Variants in DCHS2 observed in about 807,000 individuals in gnomAD.
DCHS2 encodes dachsous cadherin-related 2.
A neutral mutation model predicts 182.4 loss-of-function variants in DCHS2; 142 were observed. The observed-to-expected ratio is 0.78, with a 90% CI of 0.68 to 0.89. DCHS2 has a LOEUF of 0.89. DCHS2 is among the 40% of genes least tolerant of loss of function. The pLI is 0.00. For synonymous variants in DCHS2, 1,740 were observed against 1,663.3 expected (o/e 1.05, Z -1.12); for missense variants, 4,319 against 4,198.6 (o/e 1.03, Z -0.79).
At chr4:154,322,699 G>T in intron 7 of DCHS2, 2 of 568,432 alleles carry the variant, frequency 3.5e-6, no homozygotes, top group East Asian at 3.8e-5. Flanking sequence ...TGGACAAAAT[G>T]GTATAATAAA....
chr4:154,302,580 T>G (rs1441137872), intron 12 of DCHS2, among the ~76,000 whole-genome samples: 1 of 152,060 alleles, frequency 6.6e-6, no homozygotes, highest in Non-Finnish European at 1.5e-5. Context: ...GCATGGTGGC[T>G]TGGCAGGCAG....
At chr4:154,370,101 A>T (rs1730576061) in intron 2 of DCHS2, among the ~76,000 whole-genome samples, 1 of 152,096 alleles carries the variant, frequency 6.6e-6, no homozygotes, top group African/African-American at 2.4e-5. Flanking sequence ...TCCAGTCTAT[A>T]TTTCATGATT....
chr4:154,327,987 C>A, intron 7 of DCHS2, 106 bp downstream of exon 7: 1 of 662,768 alleles, frequency 1.5e-6, no homozygotes, highest in Non-Finnish European at 2.3e-6. Flanking sequence ...CTAACTACAG[C>A]ATTCAAAGTA....
intron 3 of DCHS2, among the ~76,000 whole-genome samples, chr4:154,337,985 C>T (rs1728895633): frequency 6.6e-6 from 1 of 152,064 alleles, no homozygotes; most frequent in African/African-American, 2.4e-5. Flanking sequence ...ATTTGCCTAC[C>T]TCGGCCTCCC....
intron 17 of DCHS2, among the ~76,000 whole-genome samples, chr4:154,241,755 A>G (rs1731836728): frequency 6.6e-6 from 1 of 152,184 alleles, no homozygotes; most frequent in Non-Finnish European, 1.5e-5. Flanking sequence ...GTGCTGAAAA[A>G]TAGATCCTTC....
At chr4:154,442,536 C>G (rs543274408) in intron 1 of DCHS2, among the ~76,000 whole-genome samples, 1 of 80,458 alleles carries the variant, frequency 1.2e-5, no homozygotes, top group Non-Finnish European at 3.0e-5. Context: ...GACACCCCCC[C>G]CCCCCCACAC....
intron 14 of DCHS2, among the ~76,000 whole-genome samples, chr4:154,265,844 T>C (rs535038122): frequency 1.3e-5 from 2 of 152,190 alleles, no homozygotes; most frequent in Non-Finnish European, 2.9e-5. Context: ...AGTACAGTAG[T>C]TCCCCCTTCC....
At chr4:154,279,727 G>A (rs1008199812) in intron 13 of DCHS2, among the ~76,000 whole-genome samples, 2 of 151,952 alleles carry the variant, frequency 1.3e-5, no homozygotes, top group Admixed American at 6.6e-5. Flanking sequence ...TGCAATGATA[G>A]TAATACTAAG....
chr4:154,420,050 G>A (rs1733038731), intron 1 of DCHS2, among the ~76,000 whole-genome samples: 1 of 152,094 alleles, frequency 6.6e-6, no homozygotes, highest in Non-Finnish European at 1.5e-5. Flanking sequence ...AGATAAGTTA[G>A]GAGATTGTTA....
At position 154,304,745 on chromosome 4, in the gene DCHS2, T is replaced by G; in HGVS notation, c.5529A>C (p.Glu1843Asp). ...CTAAAACCGTATAGACAACCTCTGGTTCCTGGTTTTCCAGAACCTCAATGT... is the reference window on the plus strand; with the variant it reads ...CTAAAACCGTATAGACAACCTCTGGGTCCTGGTTTTCCAGAACCTCAATGT... Reference protein sequence around the residue: ...SYDIEVLENQEPEVVYTVLAS... With the variant: ...SYDIEVLENQDPEVVYTVLAS... The change falls in exon 12 of 20, where the codon GAA becomes GAC. Residue 1843 changes from glutamate to aspartate, a missense_variant. By Grantham distance (45) the Glu-to-Asp change is conservative. Transcript: ENST00000357232. 6.2e-7 allele frequency: 1 copy of G among 1,614,050 alleles called. No homozygotes were observed. Among genetic ancestry groups the G allele is most frequent in the Non-Finnish European group, 8.5e-7 (1 of 1,179,962 alleles).
At chr4:154,271,444 GC>G (rs1226978941) in intron 13 of DCHS2, among the ~76,000 whole-genome samples, 1 of 152,202 alleles carries the variant, frequency 6.6e-6, no homozygotes, top group Non-Finnish European at 1.5e-5. Context: ...AAGTGGATGA[GC>G]AGATCCTCGC....
At chr4:154,379,664 CTTA>C (rs1374268172) in intron 1 of DCHS2, among the ~76,000 whole-genome samples, 1 of 152,118 alleles carries the variant, frequency 6.6e-6, no homozygotes, top group Non-Finnish European at 1.5e-5. Context: ...TATTTGTGCT[CTTA>C]TTATACTCAT....
intron 16 of DCHS2, among the ~76,000 whole-genome samples, chr4:154,254,957 T>C (rs1320542649): frequency 2.0e-5 from 3 of 152,210 alleles, no homozygotes; most frequent in Admixed American, 6.5e-5. Context: ...TTAAACACTA[T>C]TATTATTTCC....
chr4:154,437,327 C>T (rs1189504954), intron 1 of DCHS2, among the ~76,000 whole-genome samples: 1 of 152,164 alleles, frequency 6.6e-6, no homozygotes, highest in Non-Finnish European at 1.5e-5. Context: ...CATCTCACTC[C>T]TACCACTAAC....
At chr4:154,478,272 T>G (rs891937294) in intron 1 of DCHS2, among the ~76,000 whole-genome samples, 1 of 152,170 alleles carries the variant, frequency 6.6e-6, no homozygotes, top group African/African-American at 2.4e-5. Context: ...GTAATAGAAA[T>G]TGAAATGCAA....
intron 1 of DCHS2, among the ~76,000 whole-genome samples, chr4:154,438,590 G>A (rs1038624604): frequency 4.6e-5 from 7 of 151,938 alleles, no homozygotes; most frequent in Non-Finnish European, 8.8e-5. Flanking sequence ...CGCTAACATC[G>A]GTAAACTTAT....
At position 154,391,509 on chromosome 4, in the gene DCHS2, G is replaced by A. The variant is rs73854733; in HGVS notation, c.2053-14065C>T. Among the ~76,000 whole-genome samples, 518 of 152,268 alleles carry A rather than the reference G, an allele frequency of 3.4e-3. 5 individuals carry two copies. Among genetic ancestry groups the A allele is most frequent in the African/African-American group, 0.012 (502 of 41,554 alleles). ...AAAGTGCTGAAGGAGAAGAGGAAGA[G>A]TTAAAAAGACTGAGGCAAAGGAGTG... On this transcript the variant is annotated intron_variant, in intron 1 of 19. Transcript: ENST00000357232.
chr4:154,309,066 C>T (rs188292198), intron 10 of DCHS2, among the ~76,000 whole-genome samples: 1 of 152,330 alleles, frequency 6.6e-6, no homozygotes, highest in Non-Finnish European at 1.5e-5. Context: ...CATGGACTTG[C>T]TCCCTTGCTA....
Position 154,236,537 on chromosome 4 carries a change from G to A in DCHS2, c.8115C>T (p.Ile2705=). 6.2e-7 allele frequency: 1 copy of A among 1,613,962 alleles called. No homozygotes were observed. Residue 2705 remains isoleucine, a synonymous_variant, in exon 20 of 20, where the codon ATC becomes ATT. Transcript: ENST00000357232. ...AAAAATGTCCCTTCTCATTTCCAGA[G>A]ATGATGTTGTAGATGATTTCTGCAT... The part of the protein sequence containing the change: ...GSHAEIIYNI[I]SGNEKGHFYL...
Sources: allele counts gnomAD v4.1 joint callset (sites outside exome capture counted in the v4.1 genomes callset), GRCh38; gene constraint gnomAD v4.1.1; transcripts MANE v1.5; gene names NCBI Gene and HGNC (gene_info 2026-07-23, HGNC 2026-07-21).